The following NBN variants were observed in gnomAD, a reference collection of about 807,000 sequenced individuals.
NBN encodes the protein Nijmegen breakage syndrome 1 (nibrin).
Under a neutral mutation model 90.8 loss-of-function variants are expected in NBN, and 88 were observed. That is an observed-to-expected ratio of 0.97 (90% CI 0.82 to 1.16). The LOEUF (loss-of-function observed/expected upper bound fraction) is 1.16, where lower values mean the gene tolerates loss of function less well. NBN is among the 50% of genes most tolerant of loss of function. The pLI, the probability that NBN is intolerant of heterozygous loss-of-function variation, is 0.00. For missense variants in NBN, 894 were observed against 869.6 expected (o/e 1.03, Z -0.35); for synonymous variants, 328 against 295.1 (o/e 1.11, Z -1.14).
chr8:89,952,306 G>A (rs1810480557), intron 11 of NBN, among the ~76,000 whole-genome samples: 1 of 152,134 alleles, frequency 6.6e-6, no homozygotes, highest in Non-Finnish European at 1.5e-5. Context: ...AAAATCTCTG[G>A]GGCTCTGGCC....
intron 11 of NBN, among the ~76,000 whole-genome samples, chr8:89,952,065 T>C (rs1032346499): frequency 1.3e-5 from 2 of 152,312 alleles, no homozygotes; most frequent in South Asian, 2.1e-4. Flanking sequence ...CCCTGGAAAG[T>C]AGACTTGATG....
In NBN at chr8:89,981,858, T is replaced by C. The variant is rs879072014; in HGVS notation, c.172-335A>G. On this transcript the variant is annotated intron_variant, in intron 2 of 15. Coordinates refer to ENST00000265433, the MANE Select transcript of NBN (RefSeq NM_002485.5). ...ATTTAAAACATGACAATTTCATTCC[T>C]AGATCTTTTTTTGTTTGTTTTACAG... The C allele has an allele frequency of 6.3e-6, 4 of 638,016 alleles. No homozygotes were observed. The South Asian group carries it at 8.7e-5, about 14-fold the overall frequency. The allele number at this position is 638,016 out of a possible 1,614,324, so 39.5% of individuals were successfully genotyped here.
At chr8:89,944,701 C>T (rs1810109837) in intron 13 of NBN, among the ~76,000 whole-genome samples, 1 of 152,156 alleles carries the variant, frequency 6.6e-6, no homozygotes, top group East Asian at 1.9e-4. Context: ...CTTCAGCCTC[C>T]TGAGTACCTG....
At chr8:89,937,406 G>C in intron 14 of NBN, 1 of 338,256 alleles carries the variant, frequency 3.0e-6, no homozygotes, top group East Asian at 7.1e-5. Context: ...TTGGGGGTCA[G>C]ACCACTGATG....
intron 1 of NBN, chr8:89,984,265 G>A (rs1420535155): frequency 2.8e-5 from 16 of 577,510 alleles, no homozygotes; most frequent in South Asian, 2.4e-4. Flanking sequence ...GGGAGGGAGG[G>A]GGAGTCAGGG....
rs774217679 is a variant in NBN at position 89,943,232 on chromosome 8, T to C, written c.2184+21A>G. 1.2e-5 allele frequency: 20 copies of C among 1,613,248 alleles called. No homozygotes were observed. The East Asian group carries it at 3.1e-4, about 25-fold the overall frequency. On this transcript the variant is annotated intron_variant, in intron 14 of 15. Transcript: ENST00000265433. ...CCAAAGTGCAATTTAAGCAAGTTTC[T>C]GGGCCTCACTTCCTACTAACCTCCA...
In NBN at chr8:89,964,741, A is replaced by G. The variant is rs559137677; in HGVS notation, c.897-234T>C. 5.9e-5 allele frequency among the ~76,000 whole-genome samples: 9 copies of G among 151,660 alleles called. No individual in the cohort carries two copies. In the East Asian group the frequency reaches 1.7e-3, roughly 29 times the overall value. On this transcript the variant is annotated intron_variant, in intron 7 of 15. Transcript: ENST00000265433. Reference sequence around the variant, plus strand: ...TCATCTGTAAAATAAGGGGCTAAAGAATATAGATCTTCCCAGTTCTAAAAT... The same window carrying G: ...TCATCTGTAAAATAAGGGGCTAAAGGATATAGATCTTCCCAGTTCTAAAAT...
chr8:89,934,774 C>T lies in NBN; in HGVS notation c.*808G>A, dbSNP rs1343940006. The T allele has an allele frequency of 4.3e-6, 1 of 233,024 alleles. No homozygotes were observed. The highest frequency in any genetic ancestry group is 6.0e-5 in the East Asian group (1 of 16,560). 14.4% of individuals were successfully genotyped at this position (233,024 alleles called of 1,614,324 possible). On this transcript the variant is annotated 3_prime_UTR_variant, in exon 16 of 16. Transcript: ENST00000265433. Reference sequence around the variant, plus strand: ...AAAGACATTCATTGTTTCTTACCATCTCCCTTTAAGGTAGAAAAAGAAAAC... The same window carrying T: ...AAAGACATTCATTGTTTCTTACCATTTCCCTTTAAGGTAGAAAAAGAAAAC...
intron 14 of NBN, among the ~76,000 whole-genome samples, chr8:89,940,886 A>G (rs1439486240): frequency 6.6e-6 from 1 of 152,192 alleles, no homozygotes; most frequent in Non-Finnish European, 1.5e-5. Context: ...GTAGTATCTG[A>G]TTTAATCCTC....
chr8:89,978,562 T>C (rs1811886784), intron 4 of NBN, among the ~76,000 whole-genome samples: 1 of 152,200 alleles, frequency 6.6e-6, no homozygotes, highest in African/African-American at 2.4e-5. Flanking sequence ...AGTCACCGAT[T>C]ATAATACTAA....
chr8:89,981,368 G>A lies in NBN; in HGVS notation c.320+7C>T. On this transcript the variant is annotated splice_region_variant and intron_variant, in intron 3 of 15. Coordinates refer to ENST00000265433, the MANE Select transcript of NBN (RefSeq NM_002485.5). ...TCCATTTTAAAATCAATTTTAAAAT[G>A]TCTTACCTGAATTTACTTCCAAACA... 1 of 1,613,054 alleles carries A rather than the reference G, an allele frequency of 6.2e-7. No homozygotes were observed. The highest frequency in any genetic ancestry group is 8.5e-7 in the Non-Finnish European group (1 of 1,179,240).
intron 4 of NBN, 127 bp downstream of exon 4, chr8:89,980,607 G>T: frequency 1.4e-6 from 1 of 728,430 alleles, no homozygotes. Flanking sequence ...GGATGGAGTG[G>T]GTATATATAA....
intron 9 of NBN, among the ~76,000 whole-genome samples, chr8:89,957,199 T>C (rs1380880779): frequency 1.3e-5 from 2 of 152,216 alleles, no homozygotes; most frequent in Non-Finnish European, 2.9e-5. Context: ...TCCATGTGTG[T>C]TAGTGCCCCA....
intron 1 of NBN, chr8:89,984,184 C>CA (rs1178875118): frequency 2.3e-6 from 1 of 443,352 alleles, no homozygotes; most frequent in African/African-American, 2.0e-5. Context: ...CGGGGGTTCC[C>CA]ACTAGGCGCC....
intron 11 of NBN, among the ~76,000 whole-genome samples, chr8:89,951,855 C>CT (rs1810462178): frequency 6.6e-6 from 1 of 152,160 alleles, no homozygotes; most frequent in Non-Finnish European, 1.5e-5. Context: ...AAATGCAACT[C>CT]TTTATCAGGG....
rs751570713 is a variant in NBN at position 89,935,609 on chromosome 8, G to T, written c.2238C>A (p.Tyr746Ter). The change falls in exon 16 of 16, where the codon TAC becomes TAA. Residue 746 changes from tyrosine to a stop codon, truncating the protein, a stop_gained. Transcript: ENST00000265433. LOFTEE classifies it high-confidence loss of function. Reference sequence around the variant, plus strand: ...ATCTTCTCCTTTTTAAATAAGGATTGTATCTGCAAAGAAAGAAATGGGGTT... The same window carrying T: ...ATCTTCTCCTTTTTAAATAAGGATTTTATCTGCAAAGAAAGAAATGGGGTT... Reference protein sequence around the residue: ...EESLADDLFRYNPYLKRRR With the variant: ...EESLADDLFR 6.2e-7 allele frequency: 1 copy of T among 1,607,556 alleles called. No homozygotes were observed. Among genetic ancestry groups the T allele is most frequent in the Non-Finnish European group, 8.5e-7 (1 of 1,175,024 alleles).
chr8:89,983,961 G>C (rs1253606020), intron 1 of NBN, among the ~76,000 whole-genome samples: 1 of 152,038 alleles, frequency 6.6e-6, no homozygotes, highest in Non-Finnish European at 1.5e-5. Context: ...CACCCACCAC[G>C]GGCAACCAAT....
intron 12 of NBN, among the ~76,000 whole-genome samples, chr8:89,946,886 G>A (rs575772031): frequency 4.6e-5 from 7 of 152,154 alleles, no homozygotes; most frequent in African/African-American, 1.7e-4. Context: ...TCTTTCAATT[G>A]CTGGATGAGA....
rs747920256 is a variant in NBN, at chr8:89,982,723, A to G, written c.170T>C (p.Leu57Pro). 2.5e-6 allele frequency: 4 copies of G among 1,612,728 alleles called. No homozygotes were observed. Among genetic ancestry groups the G allele is most frequent in the Non-Finnish European group, 3.4e-6 (4 of 1,178,888 alleles). ...VLTANFSVTN[L>P]SQTDEIPVLT... ...AGTGAAATAAAATTAGTAACATACC[A>G]GGTTGGTTACAGAAAAGTTAGCAGT... Residue 57 changes from leucine to proline, a missense_variant and splice_region_variant, in exon 2 of 16, where the codon CTG becomes CCG. Leu to Pro is a moderately conservative substitution (Grantham distance 98, BLOSUM62 -3). Coordinates refer to ENST00000265433, the MANE Select transcript of NBN (RefSeq NM_002485.5).
Sources: allele counts gnomAD v4.1 joint callset (sites outside exome capture counted in the v4.1 genomes callset), GRCh38; gene constraint gnomAD v4.1.1; transcripts MANE v1.5; gene names NCBI Gene and HGNC (gene_info 2026-07-23, HGNC 2026-07-21).